Variants in CERS6 observed in about 807,000 individuals in gnomAD.
The protein encoded by CERS6 is LAG1 homolog, ceramide synthase 6.
CERS6 carries 26 observed loss-of-function variants against 56.8 expected under a neutral mutation model. The observed-to-expected ratio is 0.46, with a 90% CI of 0.34 to 0.63. CERS6 has a LOEUF of 0.63. Ranked by LOEUF, CERS6 falls within the 30% of genes least tolerant of loss-of-function variation. The probability of loss-of-function intolerance (pLI) is 0.01; values close to 1 mark genes in which losing one functional copy is unlikely to be tolerated. For missense variants in CERS6, 415 were observed against 467.5 expected (o/e 0.89, Z 1.04); for synonymous variants, 164 against 173.3 (o/e 0.95, Z 0.42).
At chr2:168,588,508 G>A (rs1051674266) in intron 3 of CERS6, among the ~76,000 whole-genome samples, 4 of 152,032 alleles carry the variant, frequency 2.6e-5, no homozygotes, top group African/African-American at 4.8e-5. Flanking sequence ...GAATCACACC[G>A]TTTTTGTCCT....
intron 3 of CERS6, among the ~76,000 whole-genome samples, chr2:168,611,703 G>C (rs1684193010): frequency 6.6e-6 from 1 of 152,144 alleles, no homozygotes. Context: ...GATTTAGTTA[G>C]TAGCAATCTC....
intron 3 of CERS6, among the ~76,000 whole-genome samples, chr2:168,564,553 A>C (rs993063956): frequency 6.6e-6 from 1 of 152,210 alleles, no homozygotes; most frequent in African/African-American, 2.4e-5. Context: ...CCTGAGCCTG[A>C]TAACTAGAAT....
chr2:168,638,450 A>AG (rs1684912224), intron 4 of CERS6, among the ~76,000 whole-genome samples: 2 of 152,156 alleles, frequency 1.3e-5, no homozygotes, highest in South Asian at 4.1e-4. Flanking sequence ...AGTATCAAAA[A>AG]TAAAACACAT....
At chr2:168,721,093 CG>C (rs1687354065) in intron 8 of CERS6, among the ~76,000 whole-genome samples, 2 of 152,262 alleles carry the variant, frequency 1.3e-5, no homozygotes, top group South Asian at 4.2e-4. Flanking sequence ...AAACCTATTG[CG>C]CTGCCAGTCA....
chr2:168,657,312 G>A (rs1444843070), intron 4 of CERS6, among the ~76,000 whole-genome samples: 5 of 152,192 alleles, frequency 3.3e-5, no homozygotes, highest in Non-Finnish European at 5.9e-5. Flanking sequence ...TGTATTTACA[G>A]TCCCTGAGCT....
intron 1 of CERS6, among the ~76,000 whole-genome samples, chr2:168,522,890 G>T (rs1695006604): frequency 1.3e-5 from 2 of 152,240 alleles, no homozygotes; most frequent in South Asian, 4.1e-4. Context: ...GTGGCAATGA[G>T]ATAACAAGAA....
At chr2:168,527,034 A>G (rs889696681) in intron 1 of CERS6, among the ~76,000 whole-genome samples, 2 of 152,168 alleles carry the variant, frequency 1.3e-5, no homozygotes, top group Admixed American at 6.5e-5. Flanking sequence ...ACTGGGGCTG[A>G]GGCTCTAAAA....
At chr2:168,743,995 C>CTTTT (rs58256507) in intron 8 of CERS6, among the ~76,000 whole-genome samples, 10 of 63,402 alleles carry the variant, frequency 1.6e-4, no homozygotes, top group African/African-American at 6.2e-4. Flanking sequence ...TCTTTTTTTT[C>CTTTT]TTTTTTTTTT....
At chr2:168,493,588 G>C (rs1694411816) in intron 1 of CERS6, among the ~76,000 whole-genome samples, 1 of 152,166 alleles carries the variant, frequency 6.6e-6, no homozygotes, top group African/African-American at 2.4e-5. Context: ...TAGCCAGGAA[G>C]GACTGGTAAA....
chr2:168,487,696 A>T (rs1278234931), intron 1 of CERS6, among the ~76,000 whole-genome samples: 1 of 152,096 alleles, frequency 6.6e-6, no homozygotes, highest in Non-Finnish European at 1.5e-5. Context: ...TCTCTAAACC[A>T]CATAAGCTAT....
At chr2:168,731,398 C>G (rs902010945) in intron 8 of CERS6, among the ~76,000 whole-genome samples, 3 of 151,950 alleles carry the variant, frequency 2.0e-5, no homozygotes, top group African/African-American at 7.2e-5. Context: ...AATAAATGAA[C>G]AAAACAAAAT....
intron 8 of CERS6, among the ~76,000 whole-genome samples, chr2:168,738,965 A>C (rs1410287136): frequency 2.6e-5 from 4 of 151,210 alleles, no homozygotes; most frequent in African/African-American, 9.8e-5. Flanking sequence ...GGCTAACTGC[A>C]ACCTCCACCT....
intron 1 of CERS6, among the ~76,000 whole-genome samples, chr2:168,502,350 G>T (rs988004322): frequency 6.6e-6 from 1 of 152,146 alleles, no homozygotes; most frequent in African/African-American, 2.4e-5. Context: ...GTATGGAAAG[G>T]ACATCTTCAG....
At chr2:168,644,386 G>C (rs1345523579) in intron 4 of CERS6, 1 of 983,402 alleles carries the variant, frequency 1.0e-6, no homozygotes, top group African/African-American at 1.7e-5. Flanking sequence ...GCAGATATGA[G>C]AATGATGAGA....
At chr2:168,608,433 T>C (rs771659331) in intron 3 of CERS6, among the ~76,000 whole-genome samples, 1 of 152,214 alleles carries the variant, frequency 6.6e-6, no homozygotes, top group Non-Finnish European at 1.5e-5. Context: ...TTTAGAGATA[T>C]GAAATATGAA....
chr2:168,765,723 C>T lies in CERS6; in HGVS notation c.977C>T (p.Ala326Val). The T allele has an allele frequency of 6.2e-7, 1 of 1,613,198 alleles. No individual in the cohort carries two copies. Among genetic ancestry groups the T allele is most frequent in the Non-Finnish European group, 8.5e-7 (1 of 1,179,670 alleles). Reference protein sequence around the residue: ...CFWSYLIVKIACKAVSRGKVS... With the variant: ...CFWSYLIVKIVCKAVSRGKVS... Reference sequence around the variant, plus strand: ...TGGTCTTACTTGATTGTGAAAATAGCTTGCAAAGCTGTTTCAAGAGGCAAG... The same window carrying T: ...TGGTCTTACTTGATTGTGAAAATAGTTTGCAAAGCTGTTTCAAGAGGCAAG... The change falls in exon 9 of 10, where the codon GCT becomes GTT. Residue 326 changes from alanine to valine, a missense_variant. Ala to Val is a moderately conservative substitution (Grantham distance 64, BLOSUM62 0). Transcript: ENST00000305747.
intron 3 of CERS6, among the ~76,000 whole-genome samples, chr2:168,574,314 A>G (rs1219908296): frequency 6.6e-6 from 1 of 152,038 alleles, no homozygotes; most frequent in Non-Finnish European, 1.5e-5. Flanking sequence ...CTCTTACTCC[A>G]TGACAGTAAG....
At chr2:168,717,829 T>C (rs1345793179) in intron 7 of CERS6, 43 bp from the exon 8 acceptor site, 2 of 1,430,432 alleles carry the variant, frequency 1.4e-6, no homozygotes, top group South Asian at 2.4e-5. Flanking sequence ...CTTTTTATTA[T>C]CAGTTTAACT....
intron 1 of CERS6, among the ~76,000 whole-genome samples, chr2:168,471,011 AC>A (rs1319701682): frequency 2.0e-5 from 3 of 150,768 alleles, no homozygotes; most frequent in Non-Finnish European, 4.4e-5. Context: ...AAACAGGCTT[AC>A]CAGTGTCAAT....
Sources: gnomAD v4.1 joint callset for allele counts (sites outside exome capture counted in the v4.1 genomes callset) on GRCh38, gnomAD v4.1.1 for gene constraint, MANE v1.5 for transcripts, NCBI Gene and HGNC (gene_info 2026-07-23, HGNC 2026-07-21) for gene names.